The following VCP variants were observed in gnomAD, a reference collection of about 807,000 sequenced individuals.
VCP encodes the protein valosin containing protein.
Under a neutral mutation model 85.7 loss-of-function variants are expected in VCP, and 6 were observed. The ratio of observed to expected loss-of-function variants is 0.07; its 90% CI spans 0.04 to 0.14. VCP has a LOEUF of 0.14. VCP is among the 10% of genes least tolerant of loss of function. The pLI is 1.00. For missense variants in VCP, 353 were observed against 1,043.4 expected, an observed-to-expected ratio of 0.34 and a Z score of 9.12; for synonymous variants, 384 against 367.1, an observed-to-expected ratio of 1.05 and a Z score of -0.53.
chr9:35,063,602 T>C (rs1828769987), intron 6 of VCP, among the ~76,000 whole-genome samples: 1 of 152,196 alleles, frequency 6.6e-6, no homozygotes, highest in Admixed American at 6.5e-5. Context: ...ACATGTAAAC[T>C]GTCCACATAG....
chr9:35,065,416 T>G, intron 4 of VCP, 35 bp from the exon 5 acceptor site: 1 of 1,613,556 alleles, frequency 6.2e-7, no homozygotes, highest in Non-Finnish European at 8.5e-7. Context: ...CAGTTAGAGG[T>G]GTCAACTACA....
chr9:35,071,862 C>T, intron 1 of VCP: 1 of 993,906 alleles, frequency 1.0e-6, no homozygotes, highest in Non-Finnish European at 1.2e-6. Flanking sequence ...GCTCCTGAGG[C>T]CTTCACATGG....
intron 12 of VCP, 123 bp downstream of exon 12, chr9:35,060,678 G>C: frequency 6.3e-7 from 1 of 1,575,082 alleles, no homozygotes; most frequent in East Asian, 2.2e-5. Context: ...TCAAACCTAA[G>C]AACAGTAGGT....
rs1007091546 is a variant in VCP at position 35,056,385 on chromosome 9, A to G, written c.*732T>C. Reference sequence around the variant, plus strand: ...TGCTCCCTTTCCACCAGTCCTATCCAGTGATACTGCAGACAAAGGGTGAGG... The same window carrying G: ...TGCTCCCTTTCCACCAGTCCTATCCGGTGATACTGCAGACAAAGGGTGAGG... On this transcript the variant is annotated 3_prime_UTR_variant, in exon 17 of 17. Transcript: ENST00000358901. The G allele has an allele frequency of 1.9e-5, 3 of 154,268 alleles. No homozygotes were observed. Among genetic ancestry groups the G allele is most frequent in the African/African-American group, 7.2e-5 (3 of 41,436 alleles). The allele number at this position is 154,268 out of a possible 1,614,324, so 9.6% of individuals were successfully genotyped here.
intron 5 of VCP, among the ~76,000 whole-genome samples, chr9:35,064,953 C>T (rs1310794395): frequency 6.6e-6 from 1 of 152,144 alleles, no homozygotes; most frequent in Non-Finnish European, 1.5e-5. Flanking sequence ...CTGCAACCTC[C>T]GACTCCTGGG....
At chr9:35,064,073 AAC>A (rs1398204913) in intron 6 of VCP, 79 bp downstream of exon 6, 109 of 1,605,212 alleles carry the variant, frequency 6.8e-5, no homozygotes, top group Non-Finnish European at 8.2e-5. Context: ...CATGCATGAA[AAC>A]AGTCCCAGGA....
intron 1 of VCP, 31 bp from the exon 2 acceptor site, chr9:35,068,393 T>G: frequency 6.3e-7 from 1 of 1,589,542 alleles, no homozygotes; most frequent in Non-Finnish European, 8.6e-7. Flanking sequence ...CAGTAGATAC[T>G]CCTGCCCCAA....
At position 35,059,379 on chromosome 9, in the gene VCP, C is replaced by G; in HGVS notation, c.2004+114G>C. 2.0e-6 allele frequency: 3 copies of G among 1,534,958 alleles called. No individual in the cohort carries two copies. Among genetic ancestry groups the G allele is most frequent in the Non-Finnish European group, 2.7e-6 (3 of 1,131,200 alleles). On this transcript the variant is annotated intron_variant, in intron 14 of 16. Transcript: ENST00000358901. The surrounding 1 kb of genome is among the most constrained non-coding windows in gnomAD (Gnocchi z 4.9). ...ATCTTGATATCCTCAAAAATTCTAC[C>G]TTCCCTTTAGACCAACCCTAACCCC...
intron 4 of VCP, among the ~76,000 whole-genome samples, chr9:35,065,857 G>A (rs1053993756): frequency 1.3e-5 from 2 of 152,208 alleles, no homozygotes; most frequent in African/African-American, 4.8e-5. Flanking sequence ...TTGCATGTGT[G>A]TGTATACAAA....
rs1446838695 is a variant in VCP at position 35,066,564 on chromosome 9, G to A, written c.445+111C>T. The A allele has an allele frequency of 2.9e-5, 41 of 1,414,550 alleles. No individual in the cohort carries two copies. In the Admixed American group the frequency reaches 8.6e-4, roughly 30 times the overall value. 87.6% of individuals were successfully genotyped at this position (1,414,550 alleles called of 1,614,324 possible). On this transcript the variant is annotated intron_variant, in intron 4 of 16. Transcript: ENST00000358901. Reference sequence around the variant, plus strand: ...TAAAAAATGAATAAATAAATACAGGGGAAAAGCATAAAAGATTTAAAAAAA... The same window carrying A: ...TAAAAAATGAATAAATAAATACAGGAGAAAAGCATAAAAGATTTAAAAAAA...
At chr9:35,060,691 C>A in intron 12 of VCP, 110 bp downstream of exon 12, 1 of 1,589,498 alleles carries the variant, frequency 6.3e-7, no homozygotes, top group Non-Finnish European at 8.6e-7. Context: ...CAGTAGGTTC[C>A]TAAGTCGTGC....
chr9:35,069,243 TAA>T (rs1201035418), intron 1 of VCP, among the ~76,000 whole-genome samples: 1 of 152,134 alleles, frequency 6.6e-6, no homozygotes, highest in East Asian at 1.9e-4. Context: ...CACAATTCCA[TAA>T]AGTTGGCTCA....
rs1828689074 is a variant in VCP at position 35,059,958 on chromosome 9, CTT to C, written c.1696-159_1696-158del. 1.1e-6 allele frequency: 1 copy of C among 906,884 alleles called. No homozygotes were observed. The highest frequency in any genetic ancestry group is 1.7e-5 in the African/African-American group (1 of 59,864). 56.2% of individuals were successfully genotyped at this position (906,884 alleles called of 1,614,324 possible). On this transcript the variant is annotated intron_variant, in intron 13 of 16. Coordinates refer to ENST00000358901, the MANE Select transcript of VCP (RefSeq NM_007126.5). This position sits in a 1 kb window ranked among gnomAD's most constrained non-coding sequence, Gnocchi z 4.9. ...AACCAGCATGGGCAACATACTGAGACTTTGTCTCTACAAAAAATAAAAAATTA... is the reference window on the plus strand; with the variant it reads ...AACCAGCATGGGCAACATACTGAGACTGTCTCTACAAAAAATAAAAAATTA...
chr9:35,065,484 G>A, intron 4 of VCP, 103 bp from the exon 5 acceptor site: 1 of 1,500,928 alleles, frequency 6.7e-7, no homozygotes, highest in South Asian at 1.2e-5. Flanking sequence ...ATTAGATAGT[G>A]CCCTTCATTA....
chr9:35,061,821 G>A, intron 9 of VCP, 132 bp from the exon 10 acceptor site: 1 of 1,418,042 alleles, frequency 7.1e-7, no homozygotes, highest in Non-Finnish European at 9.9e-7. Context: ...CTCAAGCTCT[G>A]GGAAACCTTT....
At chr9:35,060,185 A>T in intron 13 of VCP, 128 bp downstream of exon 13, 1 of 1,024,530 alleles carries the variant, frequency 9.8e-7, no homozygotes, top group Non-Finnish European at 1.5e-6. Flanking sequence ...CCTCAGAAAG[A>T]AAATCAAGTG....
Position 35,060,724 on chromosome 9 carries a change from G to A in VCP, c.1482+77C>T, listed in dbSNP as rs552752995. On this transcript the variant is annotated intron_variant, in intron 12 of 16. Transcript: ENST00000358901. Reference sequence around the variant, plus strand: ...TGCTCTCACAACTCTTGCAGCAAATGTGTTGACACCCTGAGATCACCCAGA... The same window carrying A: ...TGCTCTCACAACTCTTGCAGCAAATATGTTGACACCCTGAGATCACCCAGA... The A allele has an allele frequency of 4.3e-4, 700 of 1,611,560 alleles. 3 individuals carry two copies. The highest frequency in any genetic ancestry group is 5.0e-4 in the Non-Finnish European group (587 of 1,177,918).
At chr9:35,064,524 T>C (rs1174556721) in intron 5 of VCP, among the ~76,000 whole-genome samples, 2 of 152,060 alleles carry the variant, frequency 1.3e-5, no homozygotes, top group African/African-American at 2.4e-5. Context: ...AAAAATTAAA[T>C]TAAATTTAAA....
chr9:35,068,616 G>C (rs185906221), intron 1 of VCP, among the ~76,000 whole-genome samples: 2 of 152,280 alleles, frequency 1.3e-5, no homozygotes, highest in Admixed American at 1.3e-4. Flanking sequence ...TCCTGCCCCA[G>C]GGTCAGAAAA....
Sources: allele counts gnomAD v4.1 joint callset (sites outside exome capture counted in the v4.1 genomes callset), GRCh38; gene constraint gnomAD v4.1.1; non-coding constraint Gnocchi (gnomAD v3.1); transcripts MANE v1.5; gene names NCBI Gene and HGNC (gene_info 2026-07-23, HGNC 2026-07-21).